Variants in PDE3B observed in about 807,000 individuals in gnomAD.
The protein encoded by PDE3B is cGMP-inhibited 3',5'-cyclic phosphodiesterase 3B.
A neutral mutation model predicts 116.8 loss-of-function variants in PDE3B; 66 were observed. The ratio of observed to expected loss-of-function variants is 0.56; its 90% CI spans 0.46 to 0.69. PDE3B has a LOEUF of 0.69. Among genes scored for constraint, PDE3B ranks in the 30% least tolerant of loss-of-function variants. The pLI, the probability that PDE3B is intolerant of heterozygous loss-of-function variation, is 0.00. For synonymous variants in PDE3B, 595 were observed against 533.6 expected, an observed-to-expected ratio of 1.12 and a Z score of -1.59; for missense variants, 1,384 against 1,368.1, an observed-to-expected ratio of 1.01 and a Z score of -0.18.
chr11:14,799,114 A>C (rs905519707), intron 4 of PDE3B, among the ~76,000 whole-genome samples: 2 of 152,164 alleles, frequency 1.3e-5, no homozygotes, highest in Non-Finnish European at 2.9e-5. Context: ...TGTGTCCCAG[A>C]GATTCTGGTA....
intron 1 of PDE3B, among the ~76,000 whole-genome samples, chr11:14,714,312 C>T (rs1398728219): frequency 1.3e-5 from 2 of 151,688 alleles, no homozygotes; most frequent in East Asian, 3.9e-4. Context: ...TTCCCTTGGC[C>T]CTATTTTTAG....
chr11:14,806,177 G>A lies in PDE3B; in HGVS notation c.1522+2127G>A, dbSNP rs190688406. Among the ~76,000 whole-genome samples, 35 of 152,236 alleles carry A rather than the reference G, an allele frequency of 2.3e-4. No individual in the cohort carries two copies. In the East Asian group the frequency reaches 4.3e-3, roughly 19 times the overall value. On this transcript the variant is annotated intron_variant, in intron 5 of 15. Coordinates refer to ENST00000282096, the MANE Select transcript of PDE3B (RefSeq NM_000922.4). ...AAAGGATTGTAAATCATGTGGCTGGGCGTGGTGGTGCACGCCTGTAATCCC... is the reference window on the plus strand; with the variant it reads ...AAAGGATTGTAAATCATGTGGCTGGACGTGGTGGTGCACGCCTGTAATCCC...
chr11:14,670,898 A>G (rs1195717250), intron 1 of PDE3B, among the ~76,000 whole-genome samples: 2 of 151,714 alleles, frequency 1.3e-5, no homozygotes, highest in African/African-American at 4.8e-5. Context: ...TTCAAGAGAC[A>G]GAGTCTCACC....
At chr11:14,764,586 A>G (rs1390030876) in intron 1 of PDE3B, among the ~76,000 whole-genome samples, 1 of 152,106 alleles carries the variant, frequency 6.6e-6, no homozygotes, top group Non-Finnish European at 1.5e-5. Context: ...TGGTCCTTAA[A>G]GCTTTGGAAT....
At chr11:14,683,381 A>G (rs1211429702) in intron 1 of PDE3B, among the ~76,000 whole-genome samples, 2 of 152,036 alleles carry the variant, frequency 1.3e-5, no homozygotes, top group South Asian at 2.1e-4. Context: ...CAGAATATCT[A>G]TCTCATCATT....
intron 4 of PDE3B, among the ~76,000 whole-genome samples, chr11:14,797,566 G>A (rs560912533): frequency 6.6e-6 from 1 of 152,254 alleles, no homozygotes; most frequent in Non-Finnish European, 1.5e-5. Flanking sequence ...CCATTAGCAT[G>A]GAATGTTTTT....
chr11:14,729,280 G>C (rs1358670293), intron 1 of PDE3B, among the ~76,000 whole-genome samples: 1 of 152,166 alleles, frequency 6.6e-6, no homozygotes, highest in African/African-American at 2.4e-5. Context: ...AATGTATTGT[G>C]ATTATTTCCT....
chr11:14,818,519 A>T, intron 6 of PDE3B, 126 bp downstream of exon 6: 1 of 631,006 alleles, frequency 1.6e-6, no homozygotes, highest in Admixed American at 2.9e-5. Context: ...TTTCGGTGTT[A>T]TAATGAAATG....
chr11:14,740,640 C>T (rs1856742036), intron 1 of PDE3B, among the ~76,000 whole-genome samples: 1 of 152,140 alleles, frequency 6.6e-6, no homozygotes, highest in Admixed American at 6.5e-5. Flanking sequence ...TGGTCTTCTG[C>T]TAGCATTTGA....
chr11:14,794,767 G>C (rs1858500678), intron 4 of PDE3B, among the ~76,000 whole-genome samples: 1 of 152,164 alleles, frequency 6.6e-6, no homozygotes, highest in Non-Finnish European at 1.5e-5. Flanking sequence ...TGTAAATCAG[G>C]GTTCCCACAG....
intron 1 of PDE3B, among the ~76,000 whole-genome samples, chr11:14,656,209 A>T (rs1853712801): frequency 6.6e-6 from 1 of 152,146 alleles, no homozygotes; most frequent in African/African-American, 2.4e-5. Flanking sequence ...TTGGAAGATG[A>T]GCTGGTTTGG....
the PDE3B span, among the ~76,000 whole-genome samples, chr11:14,898,659 G>A: frequency 3.9e-5 from 6 of 152,056 alleles, no homozygotes; most frequent in Admixed American, 1.3e-4. Context: ...AGCTGGTGGC[G>A]AAAAAAACAG....
intron 7 of PDE3B, among the ~76,000 whole-genome samples, chr11:14,830,229 A>G (rs1481465278): frequency 6.6e-6 from 1 of 152,130 alleles, no homozygotes; most frequent in East Asian, 1.9e-4. Context: ...CTTCTTTTCC[A>G]TGTGATTTGA....
In PDE3B at chr11:14,738,229, C is replaced by T. The variant is rs537777849; in HGVS notation, c.979-33708C>T. The stretch of plus-strand genomic sequence containing the variant: ...ACAATGGTTGAACTAATTTATACTC[C>T]CACCAACAGTGTAAAAGTGTTCCTA... On this transcript the variant is annotated intron_variant, in intron 1 of 15. Transcript: ENST00000282096. Among the ~76,000 whole-genome samples the T allele has an allele frequency of 2.0e-5, 3 of 152,272 alleles. No individual in the cohort carries two copies. In the East Asian group the frequency reaches 5.8e-4, roughly 29 times the overall value.
intron 1 of PDE3B, among the ~76,000 whole-genome samples, chr11:14,708,314 G>A (rs1855592329): frequency 6.6e-6 from 1 of 152,122 alleles, no homozygotes; most frequent in African/African-American, 2.4e-5. Context: ...CCTAGATGCA[G>A]ATGTCCATTC....
chr11:14,802,330 A>T (rs1858800613), intron 4 of PDE3B, among the ~76,000 whole-genome samples: 1 of 152,172 alleles, frequency 6.6e-6, no homozygotes, highest in Admixed American at 6.5e-5. Context: ...GACTGGGAAA[A>T]GCGTAGTATC....
At chr11:14,735,483 A>T (rs1856570869) in intron 1 of PDE3B, among the ~76,000 whole-genome samples, 1 of 152,320 alleles carries the variant, frequency 6.6e-6, no homozygotes, top group Non-Finnish European at 1.5e-5. Flanking sequence ...GGTGAAAACT[A>T]TCAAATATAA....
chr11:14,815,672 A>G (rs1859301922), intron 5 of PDE3B, among the ~76,000 whole-genome samples: 1 of 152,182 alleles, frequency 6.6e-6, no homozygotes. Context: ...TTCTTTTGAT[A>G]AGAAGCTAGT....
chr11:14,873,976 C>T (rs1366740328), downstream of PDE3B, among the ~76,000 whole-genome samples: 2 of 152,130 alleles, frequency 1.3e-5, no homozygotes, highest in Admixed American at 6.5e-5. Context: ...CTCTTAAGCT[C>T]AGGAGTTCGA....
Sources: allele counts gnomAD v4.1 joint callset (sites outside exome capture counted in the v4.1 genomes callset), GRCh38; gene constraint gnomAD v4.1.1; transcripts MANE v1.5; gene names NCBI Gene and HGNC (gene_info 2026-07-23, HGNC 2026-07-21).